The following CACNA1E variants were observed in gnomAD, a reference collection of about 807,000 sequenced individuals.
CACNA1E encodes calcium voltage-gated channel subunit alpha1 E, also known as voltage-dependent R-type calcium channel subunit alpha-1E.
Under a neutral mutation model 259.2 loss-of-function variants are expected in CACNA1E, and 40 were observed. The ratio of observed to expected loss-of-function variants is 0.15; its 90% CI spans 0.12 to 0.20. The LOEUF is 0.20. Among genes scored for constraint, CACNA1E ranks in the 10% least tolerant of loss-of-function variants. The probability of loss-of-function intolerance (pLI) is 1.00; values close to 1 mark genes in which losing one functional copy is unlikely to be tolerated. For synonymous variants in CACNA1E, 1,104 were observed against 1,138.5 expected, an observed-to-expected ratio of 0.97 and a Z score of 0.61; for missense variants, 1,874 against 3,040.1, an observed-to-expected ratio of 0.62 and a Z score of 9.02.
intron 2 of CACNA1E, among the ~76,000 whole-genome samples, chr1:181,461,327 G>A (rs1661790897): frequency 6.6e-6 from 1 of 151,920 alleles, no homozygotes; most frequent in South Asian, 2.1e-4. Flanking sequence ...GGATCACGAG[G>A]TCAGGAGATC....
intron 6 of CACNA1E, among the ~76,000 whole-genome samples, chr1:181,632,208 TG>T (rs1288368369): frequency 6.6e-6 from 1 of 151,456 alleles, no homozygotes; most frequent in African/African-American, 2.4e-5. Flanking sequence ...ATAGCAAGAG[TG>T]GGGAGCTAAC....
chr1:181,630,394 C>T (rs1320362339), intron 6 of CACNA1E, among the ~76,000 whole-genome samples: 2 of 151,242 alleles, frequency 1.3e-5, no homozygotes, highest in Non-Finnish European at 3.0e-5. Flanking sequence ...GCCCCCCCAC[C>T]CCGCCTTAAA....
chr1:181,388,062 C>T (rs865821339), intron 1 of CACNA1E, among the ~76,000 whole-genome samples: 38 of 152,348 alleles, frequency 2.5e-4, no homozygotes, highest in African/African-American at 8.4e-4. Context: ...GATAAGGTCT[C>T]AATTCCTGTG....
intron 3 of CACNA1E, among the ~76,000 whole-genome samples, chr1:181,561,308 T>A (rs1324827142): frequency 1.3e-5 from 2 of 152,202 alleles, no homozygotes; most frequent in Non-Finnish European, 2.9e-5. Flanking sequence ...TATTGGGGTA[T>A]AATTTGCATT....
In CACNA1E at chr1:181,771,283, T is replaced by C. The variant is rs1203352948; in HGVS notation, c.4882-10T>C. On this transcript the variant is annotated splice_polypyrimidine_tract_variant and intron_variant, in intron 35 of 47. Transcript: ENST00000367573. The stretch of plus-strand genomic sequence containing the variant: ...AATGCTCACTGTTTTCTGTTGTTTC[T>C]CTCCTCAAGGTATTTGGAAACATAA... 3 of 1,473,654 alleles carry C rather than the reference T, an allele frequency of 2.0e-6. No homozygotes were observed. The highest frequency in any genetic ancestry group is 2.8e-6 in the Non-Finnish European group (3 of 1,069,034). 91.3% of individuals were successfully genotyped at this position (1,473,654 alleles called of 1,614,324 possible).
rs1462979230 is a variant in CACNA1E at position 181,798,633 on chromosome 1, G to A, written c.6741G>A (p.Glu2247=). 3 of 1,611,200 alleles carry A rather than the reference G, an allele frequency of 1.9e-6. No individual in the cohort carries two copies. Among genetic ancestry groups the A allele is most frequent in the African/African-American group, 2.7e-5 (2 of 74,898 alleles). The change falls in exon 48 of 48, where the codon GAG becomes GAA. Residue 2247 remains glutamate (E), a synonymous_variant. Coordinates refer to ENST00000367573, the MANE Select transcript of CACNA1E (RefSeq NM_001205293.3). The surrounding 1 kb of genome is among the most constrained non-coding windows in gnomAD (Gnocchi z 4.2). The part of the protein sequence containing the change: ...EDSHASDCGE[E]ETLTFEAAVA... ...CCCACGCCTCAGACTGTGGTGAGGA[G>A]GAGACGCTCACTTTCGAAGCAGCCG...
At chr1:181,797,353 C>A (rs887801656) in intron 47 of CACNA1E, among the ~76,000 whole-genome samples, 1 of 152,202 alleles carries the variant, frequency 6.6e-6, no homozygotes, top group African/African-American at 2.4e-5. Flanking sequence ...ACTATCAGAT[C>A]TGTATGAAAA....
chr1:181,344,468 C>T (rs1200629355), intron 1 of CACNA1E, among the ~76,000 whole-genome samples: 1 of 152,208 alleles, frequency 6.6e-6, no homozygotes, highest in Non-Finnish European at 1.5e-5. Flanking sequence ...ATGGCAGATG[C>T]TTTCCTGCCT....
chr1:181,339,466 T>C (rs1364496797), intron 1 of CACNA1E, among the ~76,000 whole-genome samples: 1 of 152,198 alleles, frequency 6.6e-6, no homozygotes, highest in Non-Finnish European at 1.5e-5. Context: ...ATTCATGTTA[T>C]ATCATGTGTC....
At chr1:181,387,971 A>G (rs1393270169) in intron 1 of CACNA1E, among the ~76,000 whole-genome samples, 1 of 152,314 alleles carries the variant, frequency 6.6e-6, no homozygotes, top group African/African-American at 2.4e-5. Context: ...TTGGGACCCT[A>G]TAAAGCAAGC....
intron 1 of CACNA1E, among the ~76,000 whole-genome samples, chr1:181,406,223 G>A (rs1327257078): frequency 2.0e-5 from 3 of 152,142 alleles, no homozygotes; most frequent in Admixed American, 6.5e-5. Context: ...ATATTGGAGA[G>A]AAATAAGTTT....
intron 1 of CACNA1E, among the ~76,000 whole-genome samples, chr1:181,348,813 G>A (rs997614589): frequency 6.6e-6 from 1 of 152,194 alleles, no homozygotes; most frequent in African/African-American, 2.4e-5. Context: ...ACTTAGGAGA[G>A]CACTGGGCAG....
intron 6 of CACNA1E, among the ~76,000 whole-genome samples, chr1:181,617,621 C>T (rs766009322): frequency 1.3e-5 from 2 of 152,192 alleles, no homozygotes; most frequent in Non-Finnish European, 2.9e-5. Context: ...ACCTCCATCA[C>T]TCACAATTAT....
chr1:181,658,336 A>T (rs1188869340), intron 7 of CACNA1E, among the ~76,000 whole-genome samples: 1 of 152,182 alleles, frequency 6.6e-6, no homozygotes, highest in Non-Finnish European at 1.5e-5. Context: ...TGTACATTGG[A>T]AGAGGCATGG....
chr1:181,655,911 A>G (rs1339010685), intron 7 of CACNA1E, among the ~76,000 whole-genome samples: 3 of 152,248 alleles, frequency 2.0e-5, no homozygotes, highest in African/African-American at 7.2e-5. Context: ...TGACTGATGT[A>G]TATGCAACAG....
intron 6 of CACNA1E, among the ~76,000 whole-genome samples, chr1:181,641,251 T>C (rs916456389): frequency 2.0e-5 from 3 of 152,128 alleles, no homozygotes; most frequent in Non-Finnish European, 4.4e-5. Flanking sequence ...CTTAGCAGTG[T>C]TTTCAAGTAT....
At chr1:181,477,863 A>G (rs1353416335) in intron 2 of CACNA1E, among the ~76,000 whole-genome samples, 1 of 152,216 alleles carries the variant, frequency 6.6e-6, no homozygotes, top group East Asian at 1.9e-4. Flanking sequence ...AACTAACTTA[A>G]TTTTCACAAC....
At chr1:181,318,601 C>A (rs1332647505) in intron 1 of CACNA1E, among the ~76,000 whole-genome samples, 1 of 152,146 alleles carries the variant, frequency 6.6e-6, no homozygotes, top group Non-Finnish European at 1.5e-5. Flanking sequence ...TGCCTCCGGG[C>A]GCGGGCGGCT....
At chr1:181,720,739 T>A (rs191792823) in intron 14 of CACNA1E, 44 bp from the exon 15 acceptor site, 18 of 1,119,816 alleles carry the variant, frequency 1.6e-5, no homozygotes, top group Non-Finnish European at 2.4e-5. Context: ...AAACTTGGTA[T>A]GTGAGATTTT....
Sources: allele counts gnomAD v4.1 joint callset (sites outside exome capture counted in the v4.1 genomes callset), GRCh38; gene constraint gnomAD v4.1.1; non-coding constraint Gnocchi (gnomAD v3.1); transcripts MANE v1.5; gene names NCBI Gene and HGNC (gene_info 2026-07-23, HGNC 2026-07-21).